MIA2: variants seen among roughly 807,000 people sequenced by gnomAD.
The protein encoded by MIA2 is melanoma inhibitory activity protein 2.
A neutral mutation model predicts 167.8 loss-of-function variants in MIA2; 127 were observed. The observed-to-expected ratio is 0.76, with a 90% CI of 0.66 to 0.88. The LOEUF (loss-of-function observed/expected upper bound fraction) is 0.88, where lower values mean the gene tolerates loss of function less well. Among genes scored for constraint, MIA2 ranks in the 40% least tolerant of loss-of-function variants. MIA2 has a pLI of 0.00. For missense variants in MIA2, 1,690 were observed against 1,624.7 expected (o/e 1.04, Z -0.69); for synonymous variants, 552 against 541.9 (o/e 1.02, Z -0.26).
chr14:39,277,758 A>ATATATATATGTGTG (rs1566685594), intron 7 of MIA2, among the ~76,000 whole-genome samples: 6 of 23,582 alleles, frequency 2.5e-4, no homozygotes, highest in Admixed American at 2.1e-3. Context: ...GTATATATAT[A>ATATATATATGTGTG]TATATATATA....
Position 39,247,292 on chromosome 14 carries a change from G to C in MIA2, c.718G>C (p.Glu240Gln), listed in dbSNP as rs747569644. Residue 240 changes from glutamate (E) to glutamine (Q), a missense_variant, in exon 4 of 29, where the codon GAA (glutamate) becomes CAA (glutamine). By Grantham distance (29) the Glu-to-Gln change is conservative. Coordinates refer to ENST00000640607, the MANE Select transcript of MIA2 (RefSeq NM_001329214.4). ...AGAACAAGCTGAAGAGAAGGCTTTT[G>C]AATCAGTTATTGAACCTGTACAAGA... ...GGEQAEEKAF[E>Q]SVIEPVQESS... 3 of 1,613,814 alleles carry C rather than the reference G, an allele frequency of 1.9e-6. No individual in the cohort carries two copies. Among genetic ancestry groups the C allele is most frequent in the Middle Eastern group, 1.7e-4 (1 of 6,058 alleles).
chr14:39,285,373 C>A (rs560269144), intron 9 of MIA2, among the ~76,000 whole-genome samples: 3 of 149,258 alleles, frequency 2.0e-5, no homozygotes, highest in African/African-American at 4.9e-5. Flanking sequence ...GGCGGCCGGG[C>A]GGGGGCTGCC....
intron 25 of MIA2, among the ~76,000 whole-genome samples, chr14:39,339,464 A>G (rs964768509): frequency 6.6e-6 from 1 of 152,214 alleles, no homozygotes; most frequent in Non-Finnish European, 1.5e-5. Flanking sequence ...AGGAATTAAA[A>G]TGTTAACTCT....
At chr14:39,288,668 G>C (rs1004344172) in intron 9 of MIA2, among the ~76,000 whole-genome samples, 1 of 150,370 alleles carries the variant, frequency 6.7e-6, no homozygotes, top group African/African-American at 2.5e-5. Flanking sequence ...TCACCATGTT[G>C]GCTAGGATGG....
At chr14:39,363,983 A>G (rs1481158076) in intron 23 of MIA2, among the ~76,000 whole-genome samples, 1 of 152,180 alleles carries the variant, frequency 6.6e-6, no homozygotes, top group African/African-American at 2.4e-5. Flanking sequence ...CAGCCAGTCT[A>G]CACCTTTTAA....
chr14:39,269,464 A>C (rs942443396), intron 6 of MIA2, among the ~76,000 whole-genome samples: 2 of 150,726 alleles, frequency 1.3e-5, no homozygotes, highest in Admixed American at 6.6e-5. Context: ...TTTACTTAGC[A>C]TGTTTTCAAG....
chr14:39,313,819 C>T (rs901569497), intron 19 of MIA2, among the ~76,000 whole-genome samples: 2 of 151,780 alleles, frequency 1.3e-5, no homozygotes, highest in Admixed American at 1.3e-4. Flanking sequence ...AGGTGTGCCA[C>T]AAAAAGAAGA....
chr14:39,358,243 T>G lies in MIA2; in HGVS notation c.2248+9266T>G, dbSNP rs571960480. ...ATAGTCCCATATTTCTTGGAGGCTT[T>G]GTTCGTTTCTTTTTATTCTTTTTTC... is the stretch of plus-strand genomic sequence containing the variant. On this transcript the variant is annotated intron_variant, in intron 23 of 23. Transcript: ENST00000341502. 2.0e-5 allele frequency among the ~76,000 whole-genome samples: 3 copies of G among 152,340 alleles called. No individual in the cohort carries two copies. The South Asian group carries it at 6.2e-4, about 32-fold the overall frequency.
intron 23 of MIA2, among the ~76,000 whole-genome samples, chr14:39,363,862 C>CT (rs2074754986): frequency 6.6e-6 from 1 of 152,066 alleles, no homozygotes; most frequent in African/African-American, 2.4e-5. Context: ...CATGGAGTAT[C>CT]TTTTTTCAAC....
At chr14:39,288,567 C>T (rs547349172) in intron 9 of MIA2, among the ~76,000 whole-genome samples, 140 of 148,270 alleles carry the variant, frequency 9.4e-4, no homozygotes, top group African/African-American at 3.2e-3. Flanking sequence ...CTCCGCCTCC[C>T]GGGTTCAAGC....
intron 4 of MIA2, 144 bp from the exon 5 acceptor site, chr14:39,252,604 T>G (rs2152637448): frequency 3.3e-6 from 2 of 613,694 alleles, no homozygotes; most frequent in East Asian, 5.5e-5. Flanking sequence ...AGGATACAAT[T>G]TATGTTTTAG....
intron 23 of MIA2, among the ~76,000 whole-genome samples, chr14:39,363,598 A>G (rs996405077): frequency 2.6e-5 from 4 of 152,130 alleles, no homozygotes; most frequent in Admixed American, 2.0e-4. Context: ...TGGGAGAGCA[A>G]TGTTTTGTTT....
At chr14:39,385,784 G>T in intron 23 of MIA2, 1 of 871,166 alleles carries the variant, frequency 1.1e-6, no homozygotes, top group Non-Finnish European at 2.0e-6. Context: ...TCATTTAATT[G>T]CTGTTGCCTC....
intron 24 of MIA2, among the ~76,000 whole-genome samples, chr14:39,322,586 G>T (rs939098811): frequency 1.7e-4 from 25 of 147,068 alleles, no homozygotes; most frequent in Admixed American, 1.7e-3. Context: ...AGCCACAATT[G>T]TCTGCTGTTA....
chr14:39,311,831 T>G (rs2064340528), intron 18 of MIA2, among the ~76,000 whole-genome samples: 1 of 77,576 alleles, frequency 1.3e-5, no homozygotes, highest in African/African-American at 3.7e-5. Context: ...TTTTTGTGTG[T>G]GTGTGTTTTT....
At chr14:39,263,243 C>G (rs1158620622) in intron 6 of MIA2, among the ~76,000 whole-genome samples, 1 of 152,036 alleles carries the variant, frequency 6.6e-6, no homozygotes, top group East Asian at 1.9e-4. Flanking sequence ...TGAATTTTGT[C>G]GAAGGCCTTT....
intron 23 of MIA2, chr14:39,385,693 G>T: frequency 2.0e-6 from 2 of 978,612 alleles, no homozygotes; most frequent in Admixed American, 1.7e-5. Context: ...AGGGGCAGCT[G>T]CTAACAGTGG....
At chr14:39,326,002 C>G (rs988698363) in intron 24 of MIA2, among the ~76,000 whole-genome samples, 1 of 152,234 alleles carries the variant, frequency 6.6e-6, no homozygotes, top group African/African-American at 2.4e-5. Context: ...GCATGGGCCA[C>G]TGCGTCCAGC....
intron 6 of MIA2, among the ~76,000 whole-genome samples, chr14:39,271,017 A>G (rs1406827822): frequency 6.6e-6 from 1 of 152,222 alleles, no homozygotes; most frequent in Non-Finnish European, 1.5e-5. Flanking sequence ...TTTTGGTATC[A>G]TAGCTAAGAA....
Sources: allele counts gnomAD v4.1 joint callset (sites outside exome capture counted in the v4.1 genomes callset), GRCh38; gene constraint gnomAD v4.1.1; transcripts MANE v1.5; gene names NCBI Gene and HGNC (gene_info 2026-07-23, HGNC 2026-07-21).